Variants in ROBO2 observed in about 807,000 individuals in gnomAD.
The protein encoded by ROBO2 is roundabout guidance receptor 2.
ROBO2 carries 53 observed loss-of-function variants against 160.8 expected under a neutral mutation model. The ratio of observed to expected loss-of-function variants is 0.33; its 90% CI spans 0.26 to 0.41. The LOEUF (loss-of-function observed/expected upper bound fraction) is 0.41, where lower values mean the gene tolerates loss of function less well. Ranked by LOEUF, ROBO2 falls within the 10% of genes least tolerant of loss-of-function variation. The probability of loss-of-function intolerance (pLI) is 1.00; values close to 1 mark genes in which losing one functional copy is unlikely to be tolerated. For missense variants in ROBO2, 1,577 were observed against 1,722.4 expected, an observed-to-expected ratio of 0.92 and a Z score of 1.49; for synonymous variants, 664 against 611.7, an observed-to-expected ratio of 1.09 and a Z score of -1.26.
intron 5 of ROBO2, among the ~76,000 whole-genome samples, chr3:77,503,307 C>G (rs1481193596): frequency 6.6e-6 from 1 of 151,376 alleles, no homozygotes; most frequent in Non-Finnish European, 1.5e-5. Flanking sequence ...GGGCAGATCA[C>G]GAGGTCAGGA....
chr3:77,246,526 T>C (rs2089750403), intron 2 of ROBO2, among the ~76,000 whole-genome samples: 1 of 152,150 alleles, frequency 6.6e-6, no homozygotes, highest in South Asian at 2.1e-4. Flanking sequence ...CATTAGGTAT[T>C]GAGCCACTAT....
intron 2 of ROBO2, among the ~76,000 whole-genome samples, chr3:76,482,389 T>C (rs1205412047): frequency 6.6e-6 from 1 of 152,158 alleles, no homozygotes; most frequent in Admixed American, 6.6e-5. Flanking sequence ...GTTAGGTACA[T>C]TAATTTATGC....
intron 2 of ROBO2, among the ~76,000 whole-genome samples, chr3:77,459,664 G>T (rs1368957585): frequency 6.6e-6 from 1 of 152,166 alleles, no homozygotes; most frequent in African/African-American, 2.4e-5. Flanking sequence ...GTCCTAACAG[G>T]GGAAACTGAA....
chr3:76,175,113 C>A (rs1043268485), intron 2 of ROBO2, among the ~76,000 whole-genome samples: 8 of 151,808 alleles, frequency 5.3e-5, no homozygotes, highest in African/African-American at 1.7e-4. Context: ...GTATTTTATT[C>A]TTTGTAGCAA....
At chr3:76,068,663 C>A (rs534386539) in intron 2 of ROBO2, among the ~76,000 whole-genome samples, 1 of 152,290 alleles carries the variant, frequency 6.6e-6, no homozygotes, top group African/African-American at 2.4e-5. Context: ...ACAAATCTCT[C>A]AAGATACTGC....
At chr3:76,589,160 T>A (rs1700639099) in intron 2 of ROBO2, among the ~76,000 whole-genome samples, 1 of 152,200 alleles carries the variant, frequency 6.6e-6, no homozygotes, top group African/African-American at 2.4e-5. Flanking sequence ...TGTTAAATAA[T>A]TTATCTGTGG....
At chr3:77,472,614 T>TC (rs551466297) in intron 2 of ROBO2, among the ~76,000 whole-genome samples, 1 of 151,966 alleles carries the variant, frequency 6.6e-6, no homozygotes, top group African/African-American at 2.4e-5. Flanking sequence ...CAATTACATA[T>TC]CCCCCCCACC....
At chr3:76,409,607 G>C (rs1256119575) in intron 2 of ROBO2, among the ~76,000 whole-genome samples, 1 of 152,054 alleles carries the variant, frequency 6.6e-6, no homozygotes, top group African/African-American at 2.4e-5. Flanking sequence ...TATTGAGGAG[G>C]AACAGGTGCA....
At chr3:75,926,388 T>C (rs963129479) in intron 1 of ROBO2, among the ~76,000 whole-genome samples, 2 of 152,176 alleles carry the variant, frequency 1.3e-5, no homozygotes, top group East Asian at 3.9e-4. Context: ...CTGATCCTTA[T>C]AGCAAATATT....
At chr3:76,489,951 TTGAAA>T (rs2079725507) in intron 2 of ROBO2, among the ~76,000 whole-genome samples, 2 of 152,208 alleles carry the variant, frequency 1.3e-5, no homozygotes, top group Non-Finnish European at 1.5e-5. Flanking sequence ...ATGCCTTAAA[TTGAAA>T]TGAGTATTTC....
At chr3:76,256,704 A>C (rs1311152779) in intron 2 of ROBO2, among the ~76,000 whole-genome samples, 1 of 151,884 alleles carries the variant, frequency 6.6e-6, no homozygotes, top group Non-Finnish European at 1.5e-5. Flanking sequence ...TAGTAAAGTT[A>C]ACTTTTGTGT....
At chr3:75,992,456 G>A (rs1049855478) in intron 2 of ROBO2, among the ~76,000 whole-genome samples, 1 of 152,170 alleles carries the variant, frequency 6.6e-6, no homozygotes, top group Non-Finnish European at 1.5e-5. Context: ...CAAAAGTCAA[G>A]AGTTGAGGTG....
intron 2 of ROBO2, among the ~76,000 whole-genome samples, chr3:76,406,648 TA>T (rs1294981961): frequency 6.6e-6 from 1 of 151,868 alleles, no homozygotes; most frequent in African/African-American, 2.4e-5. Context: ...AGAATCCCAC[TA>T]ATGGTATTCT....
chr3:76,455,952 C>G (rs1388339123), intron 2 of ROBO2, among the ~76,000 whole-genome samples: 3 of 152,140 alleles, frequency 2.0e-5, no homozygotes, highest in Non-Finnish European at 4.4e-5. Context: ...GTCCCAGAGA[C>G]ATAATTTTTT....
intron 2 of ROBO2, among the ~76,000 whole-genome samples, chr3:76,635,666 C>A (rs1406192309): frequency 6.6e-6 from 1 of 152,218 alleles, no homozygotes; most frequent in African/African-American, 2.4e-5. Context: ...ATCATAAAAG[C>A]TACTTTTCAT....
In ROBO2 at chr3:77,520,668, A is replaced by G. The variant is rs547909696; in HGVS notation, c.807-2107A>G. On this transcript the variant is annotated intron_variant, in intron 5 of 25. Transcript: ENST00000461745. ...GACTTCTGAAAGTCAGACAACAAGA[A>G]TAAATAGCTAAACAGTGGTCAAGAA... Among the ~76,000 whole-genome samples, 13 of 151,342 alleles carry G rather than the reference A, an allele frequency of 8.6e-5. No homozygotes were observed. The South Asian group carries it at 2.7e-3, about 31-fold the overall frequency.
intron 2 of ROBO2, among the ~76,000 whole-genome samples, chr3:76,295,420 G>A (rs147905374): frequency 2.0e-5 from 3 of 152,058 alleles, no homozygotes; most frequent in African/African-American, 7.2e-5. Context: ...CCCTCAAGAT[G>A]TTTGCAATTC....
Position 77,230,232 on chromosome 3 carries a change from C to A in ROBO2, c.388+131892C>A, listed in dbSNP as rs567754166. On this transcript the variant is annotated intron_variant, in intron 2 of 25. Coordinates refer to ENST00000461745, the Ensembl canonical transcript of ROBO2. ...CCTCCTGAGGAGCTGGGACTAAAGG[C>A]ATGCACCACCTGGCTAATTTTGTTT... Among the ~76,000 whole-genome samples the A allele has an allele frequency of 1.3e-5, 2 of 152,074 alleles. 1 individual carries two copies.
intron 2 of ROBO2, among the ~76,000 whole-genome samples, chr3:76,685,303 A>G (rs2092662957): frequency 6.6e-6 from 1 of 151,906 alleles, no homozygotes; most frequent in African/African-American, 2.4e-5. Flanking sequence ...AAGAAAAAGA[A>G]AATGCTACGG....
Sources: gnomAD v4.1 joint callset for allele counts (sites outside exome capture counted in the v4.1 genomes callset) on GRCh38, gnomAD v4.1.1 for gene constraint, MANE v1.5 for transcripts, NCBI Gene and HGNC (gene_info 2026-07-23, HGNC 2026-07-21) for gene names.